The following FGF13 variants were observed in gnomAD, a reference collection of about 807,000 sequenced individuals.
FGF13 encodes fibroblast growth factor 13, also known as fibroblast growth factor homologous factor 2.
In FGF13, 2 loss-of-function variants were observed where a neutral mutation model predicts 19.5. That is an observed-to-expected ratio of 0.10 (90% CI 0.04 to 0.32). FGF13 has a LOEUF of 0.32. FGF13 is among the 10% of genes least tolerant of loss of function. The pLI is 1.00. For missense variants in FGF13, 113 were observed against 192.7 expected, an observed-to-expected ratio of 0.59 and a Z score of 2.45; for synonymous variants, 72 against 76.9, an observed-to-expected ratio of 0.94 and a Z score of 0.33.
chrX:138,785,155 G>A (rs977287478), intron 3 of FGF13, among the ~76,000 whole-genome samples: 3 of 111,911 alleles, frequency 2.7e-5, no homozygotes, highest in African/African-American at 9.8e-5. Flanking sequence ...GAGGAGCACT[G>A]TAGTGAAATG....
At chrX:138,720,750 T>C (rs1350114418) in intron 1 of FGF13, among the ~76,000 whole-genome samples, 1 of 111,210 alleles carries the variant, frequency 9.0e-6, no homozygotes, top group African/African-American at 3.3e-5. Context: ...AGCTCAGAAG[T>C]TGGGGAACGA....
intron 1 of FGF13, among the ~76,000 whole-genome samples, chrX:139,077,423 T>C (rs1449732596): frequency 8.9e-6 from 1 of 111,841 alleles, no homozygotes; most frequent in Admixed American, 9.5e-5. Flanking sequence ...TTTGCAATAC[T>C]GTGCCACTTT....
intron 1 of FGF13, among the ~76,000 whole-genome samples, chrX:139,148,604 TA>T (rs754469846): frequency 0.062 from 5,260 of 84,545 alleles, 233 homozygotes; most frequent in African/African-American, 0.15. Flanking sequence ...GCCATTGGTT[TA>T]AAAAAAAAAA....
At chrX:138,984,563 GA>G (rs2091981169) in intron 1 of FGF13, among the ~76,000 whole-genome samples, 4 of 46,137 alleles carry the variant, frequency 8.7e-5, no homozygotes, top group African/African-American at 3.2e-4. Context: ...AGAAGAAGAA[GA>G]AGAAGAAGAA....
chrX:138,922,659 A>G (rs1395479367), intron 1 of FGF13, among the ~76,000 whole-genome samples: 1 of 111,944 alleles, frequency 8.9e-6, no homozygotes, highest in Non-Finnish European at 1.9e-5. Flanking sequence ...CTTCATAGAC[A>G]TATACTTGAT....
chrX:139,004,496 G>A (rs980951856), intron 1 of FGF13, among the ~76,000 whole-genome samples: 1 of 112,499 alleles, frequency 8.9e-6, no homozygotes, highest in Admixed American at 9.3e-5. Flanking sequence ...TGGGCTGAAG[G>A]GCTCCTCAAA....
At chrX:139,122,438 C>A (rs1175303413) in intron 1 of FGF13, among the ~76,000 whole-genome samples, 1 of 111,490 alleles carries the variant, frequency 9.0e-6, no homozygotes, top group Admixed American at 9.5e-5. Context: ...CTCTACCACT[C>A]CACTGGCACC....
chrX:138,885,995 G>T (rs2091450008), intron 1 of FGF13, among the ~76,000 whole-genome samples: 1 of 111,206 alleles, frequency 9.0e-6, no homozygotes. Flanking sequence ...CTACGGTAAT[G>T]GTATTGTTTA....
intron 1 of FGF13, among the ~76,000 whole-genome samples, chrX:138,993,549 C>T (rs758693907): frequency 6.3e-5 from 7 of 111,622 alleles, no homozygotes; most frequent in Non-Finnish European, 1.3e-4. Context: ...CAACAGAGTA[C>T]TCAAACCTAA....
At chrX:139,175,912 T>G (rs1233779058) in intron 1 of FGF13, among the ~76,000 whole-genome samples, 1 of 112,164 alleles carries the variant, frequency 8.9e-6, no homozygotes, top group East Asian at 2.8e-4. Flanking sequence ...GATGCTGACC[T>G]CATAAAATTA....
intron 1 of FGF13, among the ~76,000 whole-genome samples, chrX:138,960,902 C>G (rs1218797791): frequency 1.8e-5 from 2 of 111,462 alleles, no homozygotes; most frequent in East Asian, 5.6e-4. Context: ...TCTAGTTAGC[C>G]ATTTGTCTAA....
At chrX:138,779,858 A>G (rs1421585624) in intron 3 of FGF13, among the ~76,000 whole-genome samples, 8 of 105,800 alleles carry the variant, frequency 7.6e-5, no homozygotes, top group Non-Finnish European at 1.6e-4. Context: ...AAGACACATA[A>G]TTGTCAGATT....
intron 4 of FGF13, 120 bp downstream of exon 4, chrX:138,635,337 C>T: frequency 3.0e-6 from 2 of 670,712 alleles, no homozygotes; most frequent in East Asian, 3.5e-5. Context: ...TCAGAAATCA[C>T]CACTAAATAG....
At chrX:138,745,041 C>T (rs953834813) in intron 3 of FGF13, among the ~76,000 whole-genome samples, 2 of 111,973 alleles carry the variant, frequency 1.8e-5, no homozygotes, top group African/African-American at 6.5e-5. Flanking sequence ...ATATCTCTGA[C>T]ACCTGGATGA....
intron 1 of FGF13, among the ~76,000 whole-genome samples, chrX:139,003,551 G>A (rs906457650): frequency 6.8e-4 from 76 of 111,443 alleles, no homozygotes; most frequent in African/African-American, 1.7e-3. Flanking sequence ...TTAACAGGGC[G>A]CTGATTGGTG....
At chrX:138,652,019 A>C (rs1464948561) in intron 3 of FGF13, among the ~76,000 whole-genome samples, 1 of 112,048 alleles carries the variant, frequency 8.9e-6, no homozygotes, top group Non-Finnish European at 1.9e-5. Flanking sequence ...AGTCAAAGAC[A>C]AAGTCCCTGA....
intron 3 of FGF13, among the ~76,000 whole-genome samples, chrX:138,751,859 T>C (rs1234559651): frequency 8.9e-6 from 1 of 111,880 alleles, no homozygotes; most frequent in Non-Finnish European, 1.9e-5. Context: ...ATCACAGCAA[T>C]TATTATTAAC....
intron 1 of FGF13, among the ~76,000 whole-genome samples, chrX:139,104,954 T>A (rs1278993829): frequency 9.0e-6 from 1 of 111,665 alleles, no homozygotes; most frequent in East Asian, 2.8e-4. Flanking sequence ...TGTCAACCCC[T>A]AATTTAAGTT....
chrX:138,977,849 G>A (rs1211046363), intron 1 of FGF13, among the ~76,000 whole-genome samples: 1 of 112,408 alleles, frequency 8.9e-6, no homozygotes. Flanking sequence ...TAAGGTAATT[G>A]ACAAAAGCAA....
Sources: allele counts gnomAD v4.1 joint callset (sites outside exome capture counted in the v4.1 genomes callset), GRCh38; gene constraint gnomAD v4.1.1; transcripts MANE v1.5; gene names NCBI Gene and HGNC (gene_info 2026-07-23, HGNC 2026-07-21).